FRMD4A: variants seen among roughly 807,000 people sequenced by gnomAD.
FRMD4A encodes FERM domain containing 4A.
FRMD4A carries 29 observed loss-of-function variants against 129.1 expected under a neutral mutation model. The ratio of observed to expected loss-of-function variants is 0.22; its 90% confidence interval spans 0.17 to 0.31. The LOEUF (loss-of-function observed/expected upper bound fraction) is 0.31. FRMD4A is among the 10% of genes least tolerant of loss of function. The pLI is 1.00. For missense variants in FRMD4A, 1,272 were observed against 1,375.8 expected (o/e 0.92, Z 1.19); for synonymous variants, 634 against 571.6 (o/e 1.11, Z -1.56).
intron 2 of FRMD4A, among the ~76,000 whole-genome samples, chr10:14,039,047 T>G (rs1251126954): frequency 1.3e-5 from 2 of 152,200 alleles, no homozygotes; most frequent in African/African-American, 4.8e-5. Context: ...TTGAATAAAT[T>G]AATTAACATA....
intron 2 of FRMD4A, among the ~76,000 whole-genome samples, chr10:14,129,053 C>A (rs182901099): frequency 6.6e-6 from 1 of 152,124 alleles, no homozygotes; most frequent in Non-Finnish European, 1.5e-5. Context: ...AGCAACAGTG[C>A]AGGTGTGGCC....
intron 2 of FRMD4A, among the ~76,000 whole-genome samples, chr10:13,997,569 C>T (rs1243407463): frequency 2.0e-5 from 3 of 151,778 alleles, no homozygotes; most frequent in African/African-American, 7.3e-5. Flanking sequence ...GGAGACCAGG[C>T]ATCTGATCCA....
rs1052644350 is a variant in FRMD4A at position 13,821,970 on chromosome 10, G to A, written c.112-11062C>T. On this transcript the variant is annotated intron_variant, in intron 3 of 24. Transcript: ENST00000357447. This position sits in a 1 kb window ranked among gnomAD's most constrained non-coding sequence, Gnocchi z 4.3. ...ACACTTAGGGGACAGAGCAGGTCTC[G>A]AAGATCCGAAGCAGGAAGGAAAGAA... 2.1e-4 allele frequency among the ~76,000 whole-genome samples: 32 copies of A among 152,156 alleles called. No individual in the cohort carries two copies. Among genetic ancestry groups the A allele is most frequent in the African/African-American group, 7.7e-4 (32 of 41,522 alleles).
intron 2 of FRMD4A, among the ~76,000 whole-genome samples, chr10:14,103,235 C>T (rs958031697): frequency 1.3e-5 from 2 of 152,190 alleles, no homozygotes; most frequent in Non-Finnish European, 2.9e-5. Flanking sequence ...TTAATCAGAT[C>T]AGCAATATGC....
At chr10:14,241,431 G>A (rs1020599715) in intron 2 of FRMD4A, among the ~76,000 whole-genome samples, 5 of 151,994 alleles carry the variant, frequency 3.3e-5, no homozygotes, top group Non-Finnish European at 7.4e-5. Flanking sequence ...TTTGTATTCA[G>A]GTGAGCCTGA....
At position 13,803,098 on chromosome 10, in the gene FRMD4A, G is replaced by A. The variant is rs913632531; in HGVS notation, c.207-6510C>T. Among the ~76,000 whole-genome samples, 3 of 145,738 alleles carry A rather than the reference G, an allele frequency of 2.1e-5. No homozygotes were observed. In the East Asian group the frequency reaches 6.1e-4, roughly 30 times the overall value. On this transcript the variant is annotated intron_variant, in intron 4 of 24. Coordinates refer to ENST00000357447, the MANE Select transcript of FRMD4A (RefSeq NM_018027.5). ...TGGGAGACAGAGTTTGCAGTGAGCC[G>A]AGATGGCACCACTGCACCCCAGCCT...
chr10:13,836,234 G>T (rs559233879), intron 3 of FRMD4A, among the ~76,000 whole-genome samples: 1 of 152,316 alleles, frequency 6.6e-6, no homozygotes, highest in African/African-American at 2.4e-5. Context: ...CTGACCTCAG[G>T]TGATCCACCT....
chr10:14,184,875 G>C (rs180843250), intron 2 of FRMD4A, among the ~76,000 whole-genome samples: 1 of 152,290 alleles, frequency 6.6e-6, no homozygotes, highest in East Asian at 1.9e-4. Context: ...GGCCTGCCCG[G>C]ATACAACTGC....
chr10:13,752,539 G>A (rs905944043), intron 8 of FRMD4A, among the ~76,000 whole-genome samples: 4 of 152,204 alleles, frequency 2.6e-5, no homozygotes, highest in African/African-American at 4.8e-5. Context: ...TAGGCTTAGC[G>A]TGAAAGAATT....
intron 3 of FRMD4A, among the ~76,000 whole-genome samples, chr10:13,851,344 T>A (rs868401645): frequency 3.0e-4 from 46 of 152,252 alleles, no homozygotes; most frequent in African/African-American, 9.6e-4. Context: ...TTTCTCTAGC[T>A]TAAATTGTTT....
At chr10:13,743,659 GC>G (rs1158088430) in intron 9 of FRMD4A, among the ~76,000 whole-genome samples, 19 of 152,102 alleles carry the variant, frequency 1.2e-4, no homozygotes, top group African/African-American at 4.6e-4. Flanking sequence ...AATCTTTGCC[GC>G]CCCCTGTTTG....
intron 2 of FRMD4A, among the ~76,000 whole-genome samples, chr10:14,207,749 A>G (rs1164845029): frequency 6.6e-6 from 1 of 151,916 alleles, no homozygotes; most frequent in East Asian, 1.9e-4. Context: ...ATTAGGAAGC[A>G]ACACACAATG....
chr10:13,872,313 C>T (rs1281832197), intron 2 of FRMD4A, among the ~76,000 whole-genome samples: 1 of 152,176 alleles, frequency 6.6e-6, no homozygotes, highest in African/African-American at 2.4e-5. Context: ...CAGGCCTTCA[C>T]AAAATGAAGC....
chr10:13,671,178 G>C (rs538340316), intron 16 of FRMD4A, among the ~76,000 whole-genome samples: 2 of 152,342 alleles, frequency 1.3e-5, no homozygotes, highest in African/African-American at 4.8e-5. Context: ...GAATGGCTGG[G>C]CACGGTGGCT....
chr10:14,124,679 T>TACAACAACAACA (rs367833993), intron 2 of FRMD4A, among the ~76,000 whole-genome samples: 1 of 151,776 alleles, frequency 6.6e-6, no homozygotes, highest in South Asian at 2.1e-4. Flanking sequence ...TTGTCTCAAC[T>TACAACAACAACA]ACAACAACAA....
chr10:13,761,831 C>T (rs2092085777), intron 7 of FRMD4A, among the ~76,000 whole-genome samples, 162 bp from the exon 8 acceptor site: 1 of 152,186 alleles, frequency 6.6e-6, no homozygotes, highest in African/African-American at 2.4e-5. Flanking sequence ...AAACTGAATG[C>T]ACACCTTTGC....
At chr10:13,828,050 T>G (rs1486560792) in intron 3 of FRMD4A, among the ~76,000 whole-genome samples, 1 of 152,218 alleles carries the variant, frequency 6.6e-6, no homozygotes. Flanking sequence ...TGCTCCAAGC[T>G]CCAGCAGGCC....
rs147813606 is a variant in FRMD4A, at chr10:13,809,768, A to G, written c.206+1046T>C. On this transcript the variant is annotated intron_variant, in intron 4 of 24. Transcript: ENST00000357447. ...TGAAATGTCCCTGATTTACAGGGTG[A>G]CCAGATGGTCCGGTTTGCCCAAGAC... Among the ~76,000 whole-genome samples the G allele has an allele frequency of 7.5e-3, 1,144 of 152,312 alleles. 7 individuals are homozygous for G. The highest frequency in any genetic ancestry group is 0.012 in the Non-Finnish European group (850 of 68,028).
At chr10:13,657,552 G>C in intron 21 of FRMD4A, 30 bp from the exon 22 acceptor site, 1 of 1,537,534 alleles carries the variant, frequency 6.5e-7, no homozygotes, top group Non-Finnish European at 8.7e-7. Context: ...GTTGGTCTGG[G>C]GGTGGGGAGT....
Sources: allele counts gnomAD v4.1 joint callset (sites outside exome capture counted in the v4.1 genomes callset), GRCh38; gene constraint gnomAD v4.1.1; non-coding constraint Gnocchi (gnomAD v3.1); transcripts MANE v1.5; gene names NCBI Gene and HGNC (gene_info 2026-07-23, HGNC 2026-07-21).